The following PRKAR1B variants were observed in gnomAD, a reference collection of about 807,000 sequenced individuals.
PRKAR1B encodes cAMP-dependent protein kinase type I-beta regulatory subunit.
Under a neutral mutation model 46.5 loss-of-function variants are expected in PRKAR1B, and 22 were observed. That is an observed-to-expected ratio of 0.47 (90% CI 0.34 to 0.68). PRKAR1B has a LOEUF of 0.68. Among genes scored for constraint, PRKAR1B ranks in the 30% least tolerant of loss-of-function variants. The pLI is 0.01. For missense variants in PRKAR1B, 445 were observed against 535.6 expected (o/e 0.83, Z 1.67); for synonymous variants, 259 against 217.7 (o/e 1.19, Z -1.67).
intron 1 of PRKAR1B, 176 bp downstream of exon 1, chr7:727,034 G>A: frequency 4.4e-6 from 5 of 1,131,018 alleles, no homozygotes; most frequent in Non-Finnish European, 5.4e-6. Flanking sequence ...CTGGGCCTGC[G>A]CCGCGCCGCG....
At chr7:705,020 A>G (rs755992662) in intron 2 of PRKAR1B, among the ~76,000 whole-genome samples, 76 of 150,664 alleles carry the variant, frequency 5.0e-4, no homozygotes, top group Non-Finnish European at 9.8e-4. Context: ...GGCCGGGCGC[A>G]GTGGCTCACG....
At chr7:583,514 C>T (rs1343936704) in intron 8 of PRKAR1B, among the ~76,000 whole-genome samples, 1 of 52,296 alleles carries the variant, frequency 1.9e-5, no homozygotes, top group Admixed American at 1.5e-4. Flanking sequence ...TACACACCCA[C>T]ACACGCGTGC....
In PRKAR1B at chr7:596,155, G is replaced by A. The variant is rs1781255927; in HGVS notation, c.699C>T (p.Arg233=). Reference sequence around the variant, plus strand: ...TTGGGCACCAACTCACCATAAGGATGCGCCGGTAGCTGTCCCGGTCGATCC... The same window carrying A: ...TTGGGCACCAACTCACCATAAGGATACGCCGGTAGCTGTCCCGGTCGATCC... ...LWGIDRDSYR[R]ILMGSTLRKR... is the part of the protein sequence containing the mutation. The change falls in exon 7 of 11, where the codon CGC becomes CGT. Residue 233 remains arginine, a synonymous_variant. Transcript: ENST00000537384. 12 of 1,613,442 alleles carry A rather than the reference G, an allele frequency of 7.4e-6. No individual in the cohort carries two copies. The highest frequency in any genetic ancestry group is 9.3e-6 in the Non-Finnish European group (11 of 1,179,642).
At chr7:594,579 C>T (rs1447547540) in intron 7 of PRKAR1B, among the ~76,000 whole-genome samples, 2 of 152,194 alleles carry the variant, frequency 1.3e-5, no homozygotes, top group African/African-American at 2.4e-5. Context: ...CTCTGCCCAG[C>T]GATGGGACAG....
intron 2 of PRKAR1B, among the ~76,000 whole-genome samples, chr7:709,108 T>TAAAAA (rs67191707): frequency 2.8e-5 from 2 of 70,206 alleles, no homozygotes; most frequent in Non-Finnish European, 5.0e-5. Context: ...TATTTAATAC[T>TAAAAA]AAAAAAAAAA....
chr7:717,847 C>T (rs1780933219), intron 1 of PRKAR1B, among the ~76,000 whole-genome samples: 2 of 152,154 alleles, frequency 1.3e-5, no homozygotes, highest in Non-Finnish European at 2.9e-5. Context: ...GTGCTCATGG[C>T]TTGTGGGGTA....
At chr7:690,357 T>A (rs1583423880) in intron 2 of PRKAR1B, among the ~76,000 whole-genome samples, 1 of 151,232 alleles carries the variant, frequency 6.6e-6, no homozygotes, top group East Asian at 2.0e-4. Context: ...CTGGGTGCTA[T>A]GCTCACTACC....
chr7:558,256 G>T (rs1051111332), intron 9 of PRKAR1B, among the ~76,000 whole-genome samples: 1 of 149,278 alleles, frequency 6.7e-6, no homozygotes, highest in Non-Finnish European at 1.5e-5. Context: ...AGCCCAGGAG[G>T]TCGAGGCTGC....
intron 4 of PRKAR1B, among the ~76,000 whole-genome samples, chr7:642,214 T>C (rs1784424931): frequency 6.6e-6 from 1 of 152,152 alleles, no homozygotes; most frequent in Non-Finnish European, 1.5e-5. Context: ...TTATTTCAAA[T>C]GTCCAGAAAA....
chr7:590,661 G>A (rs970334639), intron 7 of PRKAR1B, among the ~76,000 whole-genome samples: 4 of 152,230 alleles, frequency 2.6e-5, no homozygotes. Flanking sequence ...ATGGCTGTAA[G>A]CCCCAATTTT....
chr7:572,605 G>A (rs1208093421), intron 9 of PRKAR1B, among the ~76,000 whole-genome samples: 1 of 152,194 alleles, frequency 6.6e-6, no homozygotes, highest in Non-Finnish European at 1.5e-5. Context: ...CCCCACACCT[G>A]AGGGAAATCA....
chr7:672,746 T>C (rs1462614941), intron 4 of PRKAR1B, among the ~76,000 whole-genome samples: 1 of 151,770 alleles, frequency 6.6e-6, no homozygotes, highest in Non-Finnish European at 1.5e-5. Context: ...CACATGCCTA[T>C]AATCCCAGCT....
chr7:662,860 CCCAGGCTCTCACCCTCGGAGCGG>C lies in PRKAR1B; in HGVS notation c.440+14346_440+14368del, dbSNP rs1419534855. On this transcript the variant is annotated intron_variant, in intron 4 of 10. Coordinates refer to ENST00000537384, the MANE Select transcript of PRKAR1B (RefSeq NM_001164760.2). ...CCAAAGCTCCCCCCACCACCTGGGG[CCCAGGCTCTCACCCTCGGAGCGG>C]CCACAGCAGGGGCCTTCCAGAAGCA... Among the ~76,000 whole-genome samples the C allele has an allele frequency of 1.4e-4, 21 of 152,354 alleles. No homozygotes were observed. In the South Asian group the frequency reaches 4.1e-3, roughly 30 times the overall value.
intron 7 of PRKAR1B, among the ~76,000 whole-genome samples, chr7:595,514 C>T (rs1366803411): frequency 4.6e-5 from 7 of 152,136 alleles, no homozygotes; most frequent in Admixed American, 6.5e-5. Flanking sequence ...GCGGGGAGGG[C>T]GTGGAGGGTC....
rs189879556 is a variant in PRKAR1B at position 604,551 on chromosome 7, C to T, written c.549+1642G>A. ...GAGAAACTGGCTCTTTCTCCGCCTG[C>T]GCGGGCCAGGCCCGAGGCACGTGCC... On this transcript the variant is annotated intron_variant, in intron 6 of 10. Coordinates refer to ENST00000537384, the MANE Select transcript of PRKAR1B (RefSeq NM_001164760.2). 1.8e-4 allele frequency among the ~76,000 whole-genome samples: 27 copies of T among 152,356 alleles called. No individual in the cohort carries two copies. The South Asian group carries it at 2.1e-3, about 12-fold the overall frequency.
intron 9 of PRKAR1B, among the ~76,000 whole-genome samples, chr7:561,293 T>C (rs536547249): frequency 4.6e-5 from 7 of 151,688 alleles, no homozygotes; most frequent in East Asian, 2.0e-4. Context: ...CACACACACA[T>C]CCACAGAGGA....
chr7:583,289 G>C (rs186174774), intron 8 of PRKAR1B, among the ~76,000 whole-genome samples: 4 of 152,192 alleles, frequency 2.6e-5, no homozygotes, highest in Admixed American at 2.0e-4. Context: ...GAGAGAACAG[G>C]GGTCAAAGTC....
At chr7:709,290 C>T (rs1780494947) in intron 2 of PRKAR1B, among the ~76,000 whole-genome samples, 1 of 150,806 alleles carries the variant, frequency 6.6e-6, no homozygotes, top group Non-Finnish European at 1.5e-5. Flanking sequence ...GCAACTAAGA[C>T]TTATGTACGT....
intron 4 of PRKAR1B, among the ~76,000 whole-genome samples, chr7:659,429 C>T (rs1423975550): frequency 6.6e-6 from 1 of 152,178 alleles, no homozygotes; most frequent in Non-Finnish European, 1.5e-5. Flanking sequence ...AGCCCACAGG[C>T]ACCGAAGTGA....
Sources: allele counts gnomAD v4.1 joint callset (sites outside exome capture counted in the v4.1 genomes callset), GRCh38; gene constraint gnomAD v4.1.1; transcripts MANE v1.5; gene names NCBI Gene and HGNC (gene_info 2026-07-23, HGNC 2026-07-21).